Variants in PKN2 observed in about 807,000 individuals in gnomAD.
PKN2 encodes serine/threonine-protein kinase N2.
In PKN2, 38 loss-of-function variants were observed where a neutral mutation model predicts 119.1. The ratio of observed to expected loss-of-function variants is 0.32; its 90% CI spans 0.25 to 0.42. The LOEUF is 0.42. Among genes scored for constraint, PKN2 ranks in the 10% least tolerant of loss-of-function variants. The pLI, the probability that PKN2 is intolerant of heterozygous loss-of-function variation, is 1.00. For missense variants in PKN2, 850 were observed against 1,165.1 expected (o/e 0.73, Z 3.94); for synonymous variants, 390 against 384.9 (o/e 1.01, Z -0.15).
chr1:88,783,343 C>G (rs995183494), intron 6 of PKN2, among the ~76,000 whole-genome samples: 13 of 152,170 alleles, frequency 8.5e-5, no homozygotes, highest in Admixed American at 2.0e-4. Context: ...GCCTGAGTTT[C>G]CCCCTCCCTG....
At chr1:88,688,350 G>T (rs897717089) in intron 1 of PKN2, among the ~76,000 whole-genome samples, 7 of 152,170 alleles carry the variant, frequency 4.6e-5, no homozygotes, top group African/African-American at 1.4e-4. Context: ...CTCCCAAAGT[G>T]CTGGGATTAC....
Position 88,835,850 on chromosome 1 carries a change from T to A in PKN2, c.*2402T>A, listed in dbSNP as rs1672925127. 1 of 152,308 alleles carries A rather than the reference T, an allele frequency of 6.6e-6. No homozygotes were observed. The highest frequency in any genetic ancestry group is 1.5e-5 in the Non-Finnish European group (1 of 67,938). 9.4% of individuals were successfully genotyped at this position (152,308 alleles called of 1,614,324 possible). ...TTCCTTTTAGAAACTTCCTAATGATTAAAATATACTTTAACTTTTCTGTGT... is the reference window on the plus strand; with the variant it reads ...TTCCTTTTAGAAACTTCCTAATGATAAAAATATACTTTAACTTTTCTGTGT... On this transcript the variant is annotated 3_prime_UTR_variant, in exon 22 of 22. Transcript: ENST00000370521.
intron 16 of PKN2, among the ~76,000 whole-genome samples, chr1:88,814,004 T>C (rs1474364047): frequency 6.6e-6 from 1 of 152,118 alleles, no homozygotes; most frequent in African/African-American, 2.4e-5. Context: ...TTTTTGCTAT[T>C]AGATTTTCTC....
intron 1 of PKN2, among the ~76,000 whole-genome samples, chr1:88,726,675 T>TG (rs1667911554): frequency 6.6e-6 from 1 of 152,176 alleles, no homozygotes; most frequent in South Asian, 2.1e-4. Flanking sequence ...TAAGAGCAAT[T>TG]GGGAAGTATT....
chr1:88,715,051 T>A (rs539792501), intron 1 of PKN2, among the ~76,000 whole-genome samples: 1 of 152,308 alleles, frequency 6.6e-6, no homozygotes, highest in East Asian at 1.9e-4. Flanking sequence ...TTGTCTTTGG[T>A]TCTGTTGATA....
intron 1 of PKN2, among the ~76,000 whole-genome samples, chr1:88,702,867 T>C (rs1377065568): frequency 1.3e-5 from 2 of 152,236 alleles, no homozygotes; most frequent in African/African-American, 4.8e-5. Flanking sequence ...TTTCATATTC[T>C]GTTCCTTGCT....
chr1:88,732,416 A>G (rs1260014063), intron 1 of PKN2, among the ~76,000 whole-genome samples: 1 of 152,202 alleles, frequency 6.6e-6, no homozygotes, highest in African/African-American at 2.4e-5. Flanking sequence ...TTTACACAGC[A>G]GTATATCAGC....
At chr1:88,771,063 A>G (rs1057383726) in intron 4 of PKN2, among the ~76,000 whole-genome samples, 2 of 152,006 alleles carry the variant, frequency 1.3e-5, no homozygotes, top group Non-Finnish European at 2.9e-5. Flanking sequence ...GTTTAAGAGT[A>G]TGGCTTTGTT....
intron 1 of PKN2, among the ~76,000 whole-genome samples, chr1:88,719,615 A>C (rs1667588251): frequency 6.6e-6 from 1 of 152,194 alleles, no homozygotes; most frequent in South Asian, 2.1e-4. Context: ...TTATGCTTGA[A>C]ATAGATATGC....
chr1:88,834,217 T>TA lies in PKN2; in HGVS notation c.*770dup, dbSNP rs1672850770. The TA allele has an allele frequency of 8.5e-5, 13 of 152,190 alleles. No individual in the cohort carries two copies. Among genetic ancestry groups the TA allele is most frequent in the Admixed American group, 8.5e-4 (13 of 15,252 alleles). The allele number at this position is 152,190 out of a possible 1,614,324, so 9.4% of individuals were successfully genotyped here. ...TTAATCAGCCGAACCAAGATATTGT[T>TA]ACCTGTATGCATTCCCAAAGTCTAG... On this transcript the variant is annotated 3_prime_UTR_variant, in exon 22 of 22. Coordinates refer to ENST00000370521, the MANE Select transcript of PKN2 (RefSeq NM_006256.4).
chr1:88,783,162 C>T (rs1175943842), intron 6 of PKN2, among the ~76,000 whole-genome samples: 1 of 152,170 alleles, frequency 6.6e-6, no homozygotes, highest in Non-Finnish European at 1.5e-5. Context: ...GGTTCTTTCC[C>T]CTGCCTCAGA....
intron 2 of PKN2, among the ~76,000 whole-genome samples, chr1:88,744,666 C>T (rs535430014): frequency 2.7e-4 from 41 of 152,300 alleles, no homozygotes; most frequent in Admixed American, 2.0e-3. Flanking sequence ...GTTGATCCGC[C>T]CACCTCGGCT....
chr1:88,767,984 C>T (rs959365729), intron 3 of PKN2, among the ~76,000 whole-genome samples: 1 of 152,112 alleles, frequency 6.6e-6, no homozygotes, highest in Non-Finnish European at 1.5e-5. Context: ...TGATTGTGTG[C>T]TATTTTATCC....
chr1:88,810,740 A>G (rs1259872267), intron 15 of PKN2, among the ~76,000 whole-genome samples: 1 of 151,784 alleles, frequency 6.6e-6, no homozygotes, highest in African/African-American at 2.4e-5. Context: ...CCAAGTAGCC[A>G]GGATTACAGG....
rs141395834 is a variant in PKN2, at chr1:88,726,825, G to A, written c.49-14163G>A. ...ATTGATTCATACTCTGTATGCTTAT[G>A]TTTCTTCACATTTCTTTAGGTTTTA... On this transcript the variant is annotated intron_variant, in intron 1 of 21. Coordinates refer to ENST00000370521, the MANE Select transcript of PKN2 (RefSeq NM_006256.4). Among the ~76,000 whole-genome samples, 8 of 151,956 alleles carry A rather than the reference G, an allele frequency of 5.3e-5. 2 individuals carry two copies. Among genetic ancestry groups the A allele is most frequent in the African/African-American group, 1.9e-4 (8 of 41,470 alleles).
At position 88,829,276 on chromosome 1, in the gene PKN2, T is replaced by C. The variant is rs1354039817; in HGVS notation, c.2562+653T>C. On this transcript the variant is annotated intron_variant, in intron 19 of 21. Transcript: ENST00000370521. Reference sequence around the variant, plus strand: ...GTCAATTTGCTGAGAATGAAACCAATGAGGTCAATTTGAGAGAGATACCTT... The same window carrying C: ...GTCAATTTGCTGAGAATGAAACCAACGAGGTCAATTTGAGAGAGATACCTT... The C allele has an allele frequency of 9.2e-6, 6 of 654,996 alleles. No individual in the cohort carries two copies. In the Admixed American group the frequency reaches 1.2e-4, roughly 13 times the overall value. 40.6% of individuals were successfully genotyped at this position (654,996 alleles called of 1,614,324 possible).
intron 1 of PKN2, among the ~76,000 whole-genome samples, chr1:88,728,894 CTT>C (rs397844615): frequency 4.2e-4 from 55 of 130,170 alleles, no homozygotes; most frequent in Non-Finnish European, 4.0e-4. Flanking sequence ...ACATCCCCAT[CTT>C]TTTTTTTTTT....
At chr1:88,757,896 G>A (rs1220552221) in intron 2 of PKN2, among the ~76,000 whole-genome samples, 1 of 151,802 alleles carries the variant, frequency 6.6e-6, no homozygotes, top group Non-Finnish European at 1.5e-5. Flanking sequence ...CAAAAAATTA[G>A]CCGGGCGTGG....
At chr1:88,717,354 T>C (rs1667496037) in intron 1 of PKN2, among the ~76,000 whole-genome samples, 1 of 152,188 alleles carries the variant, frequency 6.6e-6, no homozygotes, top group Non-Finnish European at 1.5e-5. Flanking sequence ...CTTGCTAGGT[T>C]GGGGAAGTTC....
Sources: allele counts gnomAD v4.1 joint callset (sites outside exome capture counted in the v4.1 genomes callset), GRCh38; gene constraint gnomAD v4.1.1; transcripts MANE v1.5; gene names NCBI Gene and HGNC (gene_info 2026-07-23, HGNC 2026-07-21).